Variants in IL18BP observed in about 807,000 individuals in gnomAD.
IL18BP encodes interleukin 18 binding protein.
A neutral mutation model predicts 19.9 loss-of-function variants in IL18BP; 23 were observed. That is an observed-to-expected ratio of 1.15 (90% CI 0.83 to 1.64). The LOEUF is 1.64. Among genes scored for constraint, IL18BP ranks in the 40% most tolerant of loss-of-function variants. The pLI, the probability that IL18BP is intolerant of heterozygous loss-of-function variation, is 0.00. For synonymous variants in IL18BP, 107 were observed against 101.0 expected, an observed-to-expected ratio of 1.06 and a Z score of -0.35; for missense variants, 239 against 240.7, an observed-to-expected ratio of 0.99 and a Z score of 0.05.
Position 72,000,554 on chromosome 11 carries a change from CTGAG to C in IL18BP, c.234_235+2del. ...GACCTGGCCAGAGGTGGAAGTGCCA[CTGAG>C]TAAGAAGCACAGTGGTGGAGGGTGG... On this transcript the variant is annotated splice_donor_variant and coding_sequence_variant, in exon 3 of 6. Transcript: ENST00000393703. LOFTEE classifies it high-confidence loss of function. 1.2e-6 allele frequency: 2 copies of C among 1,609,522 alleles called. No individual in the cohort carries two copies. Among genetic ancestry groups the C allele is most frequent in the Non-Finnish European group, 8.5e-7 (1 of 1,179,824 alleles).
chr11:72,005,162 G>A (rs1020787052), downstream of IL18BP: 3 of 1,471,114 alleles, frequency 2.0e-6, no homozygotes, highest in African/African-American at 2.9e-5. Flanking sequence ...TAGTGCTCAG[G>A]CTAGATCAGC....
At chr11:72,001,693 G>T (rs35563533) in intron 5 of IL18BP, 91 bp from the exon 6 acceptor site, 18 of 1,611,856 alleles carry the variant, frequency 1.1e-5, no homozygotes, top group Non-Finnish European at 1.4e-5. Context: ...AAGGAACTTA[G>T]GTCTTGGGCA....
In IL18BP at chr11:72,001,196, C is replaced by T. The variant is rs1254965967; in HGVS notation, c.236-5C>T. 1.2e-6 allele frequency: 2 copies of T among 1,613,932 alleles called. No individual in the cohort carries two copies. Among genetic ancestry groups the T allele is most frequent in the East Asian group, 4.5e-5 (2 of 44,894 alleles). On this transcript the variant is annotated splice_region_variant and splice_polypyrimidine_tract_variant and intron_variant, in intron 3 of 5. Coordinates refer to ENST00000393703, the MANE Select transcript of IL18BP (RefSeq NM_001039660.2). The stretch of plus-strand genomic sequence containing the variant: ...TGAAGAGCTAACTGCTGCCTGTGTC[C>T]CTAGATGGAACGCTGAGCTTATCCT...
At chr11:72,005,280 G>A (rs1255727670), downstream of IL18BP, 2 of 1,609,978 alleles carry the variant, frequency 1.2e-6, no homozygotes, top group Admixed American at 1.7e-5. Context: ...GGGCACACTC[G>A]ATTGCGCTGC....
chr11:71,999,910 C>T lies in IL18BP; in HGVS notation c.-58-17C>T, dbSNP rs1198192162. Reference sequence around the variant, plus strand: ...AGCGGGAGTGGTTTACCATTCTCCTCCCCCACCTTTCACCAGAGAAGAGGA... The same window carrying T: ...AGCGGGAGTGGTTTACCATTCTCCTTCCCCACCTTTCACCAGAGAAGAGGA... On this transcript the variant is annotated splice_polypyrimidine_tract_variant and intron_variant, in intron 1 of 5. Coordinates refer to ENST00000393703, the MANE Select transcript of IL18BP (RefSeq NM_001039660.2). 7 of 1,518,822 alleles carry T rather than the reference C, an allele frequency of 4.6e-6. No homozygotes were observed. The highest frequency in any genetic ancestry group is 4.6e-5 in the South Asian group (4 of 86,862). The allele number at this position is 1,518,822 out of a possible 1,614,324, so 94.1% of individuals were successfully genotyped here.
At chr11:72,007,310 C>T (rs554534253), downstream of IL18BP, 3 of 1,613,138 alleles carry the variant, frequency 1.9e-6, no homozygotes, top group East Asian at 2.2e-5. Flanking sequence ...GGCCTGACTC[C>T]GAGCAGGGAT....
chr11:72,007,107 CCTGA>C (rs768184968), downstream of IL18BP: 27 of 1,532,122 alleles, frequency 1.8e-5, no homozygotes, highest in African/African-American at 1.4e-4. Flanking sequence ...CCTCCCTGCT[CCTGA>C]CTGAGTGCCC....
downstream of IL18BP, chr11:72,005,923 GGTA>G: frequency 1.1e-6 from 1 of 873,942 alleles, no homozygotes; most frequent in African/African-American, 1.7e-5. Flanking sequence ...GGAGCTGGAT[GGTA>G]GCAAGGAGGC....
At chr11:72,006,339 C>T, downstream of IL18BP, 2 of 1,261,112 alleles carry the variant, frequency 1.6e-6, no homozygotes, top group South Asian at 2.7e-5. Flanking sequence ...CTTCCGAAGC[C>T]CTCAGATCCC....
chr11:72,004,951 C>T, downstream of IL18BP: 1 of 919,806 alleles, frequency 1.1e-6, no homozygotes, highest in Non-Finnish European at 1.6e-6. Context: ...TAGAAAGACA[C>T]AAGGCCTCCT....
downstream of IL18BP, chr11:72,007,200 T>C (rs764951661): frequency 7.5e-6 from 12 of 1,609,244 alleles, no homozygotes; most frequent in Non-Finnish European, 8.5e-6. Context: ...TTGGTCATGG[T>C]GATGTTGATG....
downstream of IL18BP, chr11:72,002,848 C>G (rs1175620500): frequency 9.6e-6 from 2 of 207,456 alleles, no homozygotes; most frequent in African/African-American, 2.3e-5. Flanking sequence ...CCACACCGAT[C>G]AAGTCAACTC....
downstream of IL18BP, chr11:72,004,082 C>G: frequency 1.9e-6 from 3 of 1,612,978 alleles, no homozygotes; most frequent in Non-Finnish European, 2.5e-6. Context: ...TGAAGGCCAT[C>G]GACTGGCGCC....
chr11:72,002,878 T>TA (rs1955353641), downstream of IL18BP: 1 of 220,916 alleles, frequency 4.5e-6, no homozygotes, highest in Non-Finnish European at 9.1e-6. Context: ...GGGAGAAAAA[T>TA]AGACTTTATT....
Position 72,001,440 on chromosome 11 carries a change from A to G in IL18BP, c.395A>G (p.Lys132Arg). ...ERGSTGTQLC[K>R]ALVLEQLTPA... ...GGGAGCACAGGTACGCAGCTGTGCA[A>G]GGCCTTGGTGCTGGAGCAGCTGACC... Residue 132 changes from lysine to arginine, a missense_variant, in exon 5 of 6, where the codon AAG becomes AGG. Lys to Arg is a conservative substitution (Grantham distance 26). Transcript: ENST00000393703. The G allele has an allele frequency of 6.2e-7, 1 of 1,614,190 alleles. No homozygotes were observed. Among genetic ancestry groups the G allele is most frequent in the South Asian group, 1.1e-5 (1 of 91,088 alleles).
rs774287703 is a variant in IL18BP at position 72,001,942 on chromosome 11, A to C, written c.*81A>C. ...GTCTACCTGGAGTGAACAGTCCCTG[A>C]CTGCCTGTAGGCTGCGTGGATGCGC... On this transcript the variant is annotated 3_prime_UTR_variant, in exon 6 of 6. Transcript: ENST00000393703. 1.8e-5 allele frequency: 29 copies of C among 1,593,384 alleles called. No individual in the cohort carries two copies. Among genetic ancestry groups the C allele is most frequent in the African/African-American group, 6.7e-5 (5 of 74,256 alleles).
chr11:72,001,965 C>A lies in IL18BP; in HGVS notation c.*104C>A, dbSNP rs1062452. On this transcript the variant is annotated 3_prime_UTR_variant, in exon 6 of 6. Transcript: ENST00000393703. Reference sequence around the variant, plus strand: ...TGACTGCCTGTAGGCTGCGTGGATGCGCAACACACCCCCTCCTTCTCTGCT... The same window carrying A: ...TGACTGCCTGTAGGCTGCGTGGATGAGCAACACACCCCCTCCTTCTCTGCT... 10,238 of 1,491,330 alleles carry A rather than the reference C, an allele frequency of 6.9e-3. 227 individuals carry two copies. The African/African-American group carries it at 0.075, about 11-fold the overall frequency. 92.4% of individuals were successfully genotyped at this position (1,491,330 alleles called of 1,614,324 possible).
downstream of IL18BP, chr11:72,004,312 G>C (rs767168431): frequency 6.2e-7 from 1 of 1,613,286 alleles, no homozygotes; most frequent in South Asian, 1.1e-5. Context: ...GAGTCATGGG[G>C]CGTGGGAAAC....
At chr11:72,003,591 A>C (rs1400024381), downstream of IL18BP, 2 of 1,606,048 alleles carry the variant, frequency 1.2e-6, no homozygotes, top group Admixed American at 3.3e-5. Flanking sequence ...ACTAGCCTGC[A>C]CCCACTGGCT....
Sources: allele counts gnomAD v4.1 joint callset, GRCh38; gene constraint gnomAD v4.1.1; transcripts MANE v1.5; gene names NCBI Gene and HGNC (gene_info 2026-07-23, HGNC 2026-07-21).